Variants in ATP1A4 observed in about 807,000 individuals in gnomAD.
ATP1A4 encodes ATPase Na+/K+ transporting subunit alpha 4.
Under a neutral mutation model 114.3 loss-of-function variants are expected in ATP1A4, and 90 were observed. The observed-to-expected ratio is 0.79, with a 90% CI of 0.66 to 0.94. ATP1A4 has a LOEUF of 0.94. Among genes scored for constraint, ATP1A4 ranks in the 40% least tolerant of loss-of-function variants. The pLI, the probability that ATP1A4 is intolerant of heterozygous loss-of-function variation, is 0.00. For missense variants in ATP1A4, 1,222 were observed against 1,313.6 expected, an observed-to-expected ratio of 0.93 and a Z score of 1.08; for synonymous variants, 511 against 494.1, an observed-to-expected ratio of 1.03 and a Z score of -0.45.
intron 20 of ATP1A4, 62 bp downstream of exon 20, chr1:160,182,093 G>C: frequency 7.2e-7 from 1 of 1,383,220 alleles, no homozygotes; most frequent in Admixed American, 1.7e-5. Context: ...ACAGAGGAAG[G>C]GTGTGTTTCA....
At chr1:160,173,528 G>A (rs942826959) in intron 12 of ATP1A4, 53 bp from the exon 13 acceptor site, 2 of 1,595,042 alleles carry the variant, frequency 1.3e-6, no homozygotes, top group Non-Finnish European at 1.7e-6. Context: ...AAAAATGAAG[G>A]ATCCGGGCTC....
At chr1:160,159,803 T>G (rs1274632391) in intron 6 of ATP1A4, among the ~76,000 whole-genome samples, 1 of 152,250 alleles carries the variant, frequency 6.6e-6, no homozygotes, top group Non-Finnish European at 1.5e-5. Flanking sequence ...GTAAGTGACC[T>G]ACAATTATTA....
intron 20 of ATP1A4, among the ~76,000 whole-genome samples, chr1:160,185,866 C>T (rs7520960): frequency 0.55 from 80,620 of 147,298 alleles, 22,416 homozygotes; most frequent in East Asian, 0.79. Flanking sequence ...TTGCAGTGAG[C>T]CGAGATCAAG....
intron 4 of ATP1A4, 68 bp from the exon 5 acceptor site, chr1:160,158,934 T>C: frequency 3.9e-6 from 6 of 1,546,386 alleles, no homozygotes; most frequent in Non-Finnish European, 5.3e-6. Context: ...TAACAGAAGG[T>C]TTTAGGCTAA....
At chr1:160,152,246 C>G in intron 1 of ATP1A4, 59 bp downstream of exon 1, 1 of 1,558,540 alleles carries the variant, frequency 6.4e-7, no homozygotes, top group Non-Finnish European at 8.7e-7. Flanking sequence ...CTCCACCTAT[C>G]TTTAACATCT....
chr1:160,176,648 CCCTG>C, intron 17 of ATP1A4, 46 bp downstream of exon 17: 1 of 1,597,706 alleles, frequency 6.3e-7, no homozygotes. Context: ...GAGTGGTTTC[CCCTG>C]CCTGGCAACG....
intron 15 of ATP1A4, among the ~76,000 whole-genome samples, chr1:160,175,617 G>A (rs2101648872): frequency 6.6e-6 from 1 of 151,962 alleles, no homozygotes; most frequent in African/African-American, 2.4e-5. Flanking sequence ...GTGCAGAGAG[G>A]GATTCGATCT....
At chr1:160,177,350 T>C in intron 17 of ATP1A4, 169 bp from the exon 18 acceptor site, 1 of 589,404 alleles carries the variant, frequency 1.7e-6, no homozygotes, top group East Asian at 2.9e-5. Context: ...CCCACAGAGA[T>C]GAGAGATAAC....
intron 13 of ATP1A4, 24 bp downstream of exon 13, chr1:160,173,741 A>G (rs1372602671): frequency 6.2e-7 from 1 of 1,611,148 alleles, no homozygotes; most frequent in Non-Finnish European, 8.5e-7. Context: ...AGAACTCAAG[A>G]TCTGCCATGT....
chr1:160,167,282 C>G lies in ATP1A4; in HGVS notation c.1361C>G (p.Ala454Gly), dbSNP rs1372463553. The change falls in exon 10 of 22, where the codon GCC becomes GGC. Residue 454 changes from alanine to glycine, a missense_variant. By Grantham distance (60) the Ala-to-Gly change is moderately conservative. Transcript: ENST00000368081. The part of the protein sequence containing the change: ...NQEILPIAKR[A>G]TTGDASESAL... ...ATACAAACCCCATCCTGGCAGAGGGCCACAACAGGTGATGCTTCCGAGTCA... is the reference window on the plus strand; with the variant it reads ...ATACAAACCCCATCCTGGCAGAGGGGCACAACAGGTGATGCTTCCGAGTCA... 1 of 1,604,128 alleles carries G rather than the reference C, an allele frequency of 6.2e-7. No homozygotes were observed. Among genetic ancestry groups the G allele is most frequent in the Non-Finnish European group, 8.5e-7 (1 of 1,176,242 alleles).
chr1:160,168,457 A>C (rs1653121532), intron 10 of ATP1A4, among the ~76,000 whole-genome samples: 2 of 136,100 alleles, frequency 1.5e-5, no homozygotes, highest in Admixed American at 1.8e-4. Flanking sequence ...ATCTTGGCTC[A>C]CTGCAACCTC....
chr1:160,175,399 T>C (rs1653424608), intron 15 of ATP1A4, among the ~76,000 whole-genome samples: 1 of 152,110 alleles, frequency 6.6e-6, no homozygotes, highest in African/African-American at 2.4e-5. Context: ...TGGTATTTTA[T>C]ATCCACTCAA....
chr1:160,179,613 G>C (rs141674964), intron 18 of ATP1A4, among the ~76,000 whole-genome samples: 3 of 152,132 alleles, frequency 2.0e-5, no homozygotes, highest in Non-Finnish European at 4.4e-5. Flanking sequence ...AGCAAGGATC[G>C]CTCCTTACTT....
rs199962758 is a variant in ATP1A4 at position 160,174,155 on chromosome 1, T to C, written c.2036T>C (p.Ile679Thr). The change falls in exon 14 of 22, where the codon ATA (isoleucine) becomes ACA (threonine). Residue 679 changes from isoleucine to threonine, a missense_variant. Coordinates refer to ENST00000368081, the MANE Select transcript of ATP1A4 (RefSeq NM_144699.4). ...GTGCATGGTGCAGAACTGAAGGACA[T>C]ACAGTCCAAGCAGCTTGATCAGATC... The part of the protein sequence containing the change: ...IVVHGAELKD[I>T]QSKQLDQILQ... 69 of 1,614,110 alleles carry C rather than the reference T, an allele frequency of 4.3e-5. No individual in the cohort carries two copies. In the East Asian group the frequency reaches 1.4e-3, roughly 34 times the overall value.
Position 160,153,692 on chromosome 1 carries a change from A to T in ATP1A4, c.207+468A>T, listed in dbSNP as rs191662692. 6.5e-4 allele frequency among the ~76,000 whole-genome samples: 99 copies of T among 152,362 alleles called. 1 individual carries two copies. In the East Asian group the frequency reaches 0.018, roughly 28 times the overall value. ...TTTTCAAAACAAAAAAATTAGCAGC[A>T]TCTTACATTTTTGCAAACCTCTTCA... On this transcript the variant is annotated intron_variant, in intron 2 of 21. Coordinates refer to ENST00000368081, the MANE Select transcript of ATP1A4 (RefSeq NM_144699.4).
intron 17 of ATP1A4, 40 bp downstream of exon 17, chr1:160,176,642 GGT>G (rs372914747): frequency 5.6e-6 from 9 of 1,599,752 alleles, no homozygotes; most frequent in African/African-American, 4.0e-5. Flanking sequence ...AGCAGGGAGT[GGT>G]TTCCCCTGCC....
chr1:160,164,563 G>A, intron 7 of ATP1A4, 139 bp downstream of exon 7: 1 of 916,442 alleles, frequency 1.1e-6, no homozygotes, highest in Middle Eastern at 3.5e-4. Flanking sequence ...GAATAATTTA[G>A]CTCTCAATAT....
rs760429620 is a variant in ATP1A4, at chr1:160,155,090, C to G, written c.253C>G (p.Pro85Ala). ...RAKEILTRGGPNTVTPPPTTP... is the reference protein window; with the variant it reads ...RAKEILTRGGANTVTPPPTTP... ...AAAGGAAATCCTGACTCGAGGTGGA[C>G]CCAATACTGTTACCCCACCCCCCAC... Residue 85 changes from proline (P) to alanine (A), a missense_variant, in exon 3 of 22, where the codon CCC becomes GCC. Transcript: ENST00000368081. 1 of 1,613,888 alleles carries G rather than the reference C, an allele frequency of 6.2e-7. No individual in the cohort carries two copies. Among genetic ancestry groups the G allele is most frequent in the African/African-American group, 1.3e-5 (1 of 74,884 alleles).
At position 160,166,957 on chromosome 1, in the gene ATP1A4, T is replaced by A. The variant is rs757362998; in HGVS notation, c.1247-11T>A. 2.5e-6 allele frequency: 4 copies of A among 1,613,352 alleles called. No individual in the cohort carries two copies. In the South Asian group the frequency reaches 4.4e-5, roughly 18 times the overall value. On this transcript the variant is annotated splice_polypyrimidine_tract_variant and intron_variant, in intron 8 of 21. Coordinates refer to ENST00000368081, the MANE Select transcript of ATP1A4 (RefSeq NM_144699.4). ...TTCCCTGCTCACAATTCTTCTTTTC[T>A]TTCTCCCTAGGAAAAACATTTACCA...
Sources: allele counts gnomAD v4.1 joint callset (sites outside exome capture counted in the v4.1 genomes callset), GRCh38; gene constraint gnomAD v4.1.1; transcripts MANE v1.5; gene names NCBI Gene and HGNC (gene_info 2026-07-23, HGNC 2026-07-21).